The following TNIK variants were observed in gnomAD, a reference collection of about 807,000 sequenced individuals.
TNIK encodes the protein TRAF2 and NCK-interacting protein kinase.
A neutral mutation model predicts 191.3 loss-of-function variants in TNIK; 49 were observed. The observed-to-expected ratio is 0.26, with a 90% confidence interval of 0.20 to 0.32. TNIK has a LOEUF of 0.32. Ranked by LOEUF, TNIK falls within the 10% of genes least tolerant of loss-of-function variation. TNIK has a pLI of 1.00. For missense variants in TNIK, 1,155 were observed against 1,702.3 expected (o/e 0.68, Z 5.66); for synonymous variants, 594 against 600.9 (o/e 0.99, Z 0.17).
chr3:171,367,800 A>T (rs1234999274), intron 2 of TNIK, among the ~76,000 whole-genome samples: 1 of 152,134 alleles, frequency 6.6e-6, no homozygotes, highest in East Asian at 1.9e-4. Context: ...CTACATTCTC[A>T]TTTGACTAAT....
Position 171,068,834 on chromosome 3 carries a change from T to C in TNIK, c.3699+14A>G, listed in dbSNP as rs758663052. The C allele has an allele frequency of 6.2e-7, 1 of 1,608,812 alleles. No homozygotes were observed. The highest frequency in any genetic ancestry group is 8.5e-7 in the Non-Finnish European group (1 of 1,177,458). On this transcript the variant is annotated intron_variant, in intron 30 of 32. Transcript: ENST00000436636. ...GTACAGAGAGCCCTTGAAAGTCTACTTCTGAGTACTTACATGAGATGGTAT... is the reference window on the plus strand; with the variant it reads ...GTACAGAGAGCCCTTGAAAGTCTACCTCTGAGTACTTACATGAGATGGTAT...
Position 171,373,114 on chromosome 3 carries a change from T to C in TNIK, c.58-3429A>G, listed in dbSNP as rs913627555. Among the ~76,000 whole-genome samples, 7 of 152,212 alleles carry C rather than the reference T, an allele frequency of 4.6e-5. No homozygotes were observed. The South Asian group carries it at 8.3e-4, about 18-fold the overall frequency. ...TAGTTACATCCTTGTAGAATTGTGATACAGCTTGAACAGTATAAGCATTTA... is the reference window on the plus strand; with the variant it reads ...TAGTTACATCCTTGTAGAATTGTGACACAGCTTGAACAGTATAAGCATTTA... On this transcript the variant is annotated intron_variant, in intron 1 of 32. Transcript: ENST00000436636.
intron 2 of TNIK, among the ~76,000 whole-genome samples, chr3:171,311,805 A>T (rs1213744761): frequency 6.6e-6 from 1 of 152,074 alleles, no homozygotes; most frequent in African/African-American, 2.4e-5. Context: ...AGAGAACAAA[A>T]CCCATCATTA....
At chr3:171,237,501 C>T (rs1443853266) in intron 2 of TNIK, among the ~76,000 whole-genome samples, 17 of 144,284 alleles carry the variant, frequency 1.2e-4, no homozygotes, top group African/African-American at 3.5e-4. Flanking sequence ...ATGATTCCCA[C>T]GGAAAAAAAA....
intron 18 of TNIK, among the ~76,000 whole-genome samples, chr3:171,112,224 G>A (rs542558134): frequency 5.3e-5 from 8 of 152,186 alleles, no homozygotes; most frequent in African/African-American, 1.9e-4. Flanking sequence ...AGCTAGGGGG[G>A]ACAAAATCTT....
intron 19 of TNIK, 108 bp from the exon 20 acceptor site, chr3:171,108,270 G>A: frequency 1.2e-6 from 1 of 802,722 alleles, no homozygotes; most frequent in Non-Finnish European, 1.8e-6. Flanking sequence ...ATTACTCAGT[G>A]GACACGTCAT....
chr3:171,089,923 G>C (rs1441378871), intron 23 of TNIK, among the ~76,000 whole-genome samples: 1 of 152,160 alleles, frequency 6.6e-6, no homozygotes, highest in Non-Finnish European at 1.5e-5. Flanking sequence ...TCCTATGGCA[G>C]AGCCCAGGTG....
intron 4 of TNIK, among the ~76,000 whole-genome samples, chr3:171,197,588 G>A (rs372096123): frequency 6.6e-6 from 1 of 152,102 alleles, no homozygotes; most frequent in Non-Finnish European, 1.5e-5. Flanking sequence ...TTAAAAATGG[G>A]CAAAGGACTT....
intron 2 of TNIK, among the ~76,000 whole-genome samples, chr3:171,340,219 T>G (rs1170325072): frequency 6.6e-6 from 1 of 152,228 alleles, no homozygotes; most frequent in Non-Finnish European, 1.5e-5. Context: ...CAATAGTCTC[T>G]AGGCAGTTGG....
At chr3:171,106,615 C>T (rs760227914) in intron 21 of TNIK, 2 of 511,760 alleles carry the variant, frequency 3.9e-6, no homozygotes, top group African/African-American at 1.9e-5. Context: ...CTACCTACAA[C>T]TGACAAAGCC....
intron 1 of TNIK, among the ~76,000 whole-genome samples, chr3:171,421,108 C>T (rs1723738139): frequency 6.6e-6 from 1 of 152,140 alleles, no homozygotes; most frequent in South Asian, 2.1e-4. Context: ...ATATGAAAGA[C>T]CAGGTTAGAC....
At chr3:171,128,448 A>T (rs1471001293) in intron 16 of TNIK, among the ~76,000 whole-genome samples, 2 of 152,230 alleles carry the variant, frequency 1.3e-5, no homozygotes, top group Non-Finnish European at 2.9e-5. Flanking sequence ...CTCACCTTGC[A>T]GGAACTCCTA....
At chr3:171,196,602 G>A (rs1028765384) in intron 4 of TNIK, among the ~76,000 whole-genome samples, 7 of 152,034 alleles carry the variant, frequency 4.6e-5, no homozygotes, top group South Asian at 2.1e-4. Flanking sequence ...AAAAAGAGAC[G>A]CAAAGAAAAC....
intron 9 of TNIK, among the ~76,000 whole-genome samples, chr3:171,169,454 G>A (rs946994533): frequency 6.6e-6 from 1 of 152,032 alleles, no homozygotes; most frequent in African/African-American, 2.4e-5. Flanking sequence ...TTTTAGTAGA[G>A]ACAGGGTTTT....
chr3:171,107,276 T>C (rs1235214447), intron 20 of TNIK, 70 bp from the exon 21 acceptor site: 2 of 1,486,618 alleles, frequency 1.3e-6, no homozygotes, highest in Non-Finnish European at 1.8e-6. Context: ...GGCAGCAGAT[T>C]AGACACAAAA....
chr3:171,444,519 G>C (rs952011495), intron 1 of TNIK, among the ~76,000 whole-genome samples: 4 of 150,490 alleles, frequency 2.7e-5, no homozygotes, highest in Non-Finnish European at 5.9e-5. Context: ...ACATCAGAAG[G>C]ATGCATCTTG....
chr3:171,221,343 C>T (rs372772715), intron 3 of TNIK, among the ~76,000 whole-genome samples: 6 of 152,264 alleles, frequency 3.9e-5, no homozygotes, highest in African/African-American at 1.4e-4. Flanking sequence ...GCTGACATCA[C>T]CTGAAGGTCA....
intron 1 of TNIK, among the ~76,000 whole-genome samples, chr3:171,393,528 C>A (rs1215296187): frequency 6.6e-6 from 1 of 152,218 alleles, no homozygotes; most frequent in Non-Finnish European, 1.5e-5. Flanking sequence ...TATGATGGAC[C>A]TACAAGCAGC....
chr3:171,156,216 A>G (rs1483435075), intron 12 of TNIK, among the ~76,000 whole-genome samples: 1 of 152,232 alleles, frequency 6.6e-6, no homozygotes, highest in Non-Finnish European at 1.5e-5. Context: ...CAATAATTGT[A>G]ACCATTGGGT....
Sources: gnomAD v4.1 joint callset for allele counts (sites outside exome capture counted in the v4.1 genomes callset) on GRCh38, gnomAD v4.1.1 for gene constraint, MANE v1.5 for transcripts, NCBI Gene and HGNC (gene_info 2026-07-23, HGNC 2026-07-21) for gene names.